The following ANO8 variants were observed in gnomAD, a reference collection of about 807,000 sequenced individuals.
ANO8 encodes the protein anoctamin-8.
In ANO8, 67 loss-of-function variants were observed where a neutral mutation model predicts 120.4. The ratio of observed to expected loss-of-function variants is 0.56; its 90% confidence interval spans 0.46 to 0.68. The LOEUF is 0.68. Ranked by LOEUF, ANO8 falls within the 30% of genes least tolerant of loss-of-function variation. The probability of loss-of-function intolerance (pLI) is 0.00; values close to 1 mark genes in which losing one functional copy is unlikely to be tolerated. For missense variants in ANO8, 1,526 were observed against 1,737.6 expected, an observed-to-expected ratio of 0.88 and a Z score of 2.16; for synonymous variants, 727 against 759.2, an observed-to-expected ratio of 0.96 and a Z score of 0.70.
chr19:17,332,391 A>T (rs1320660399), intron 5 of ANO8, among the ~76,000 whole-genome samples: 1 of 152,120 alleles, frequency 6.6e-6, no homozygotes, highest in East Asian at 1.9e-4. Flanking sequence ...ACTGGGAGCC[A>T]CTGCGCCTGT....
chr19:17,333,145 T>C lies in ANO8; in HGVS notation c.445A>G (p.Ile149Val). ...TRGFSCEEDF[I>V]YENVESELRF... ...AGCTCGCTCTCCACATTCTCATAGATAAAGTCCTCCTCGCAGGAGAAGCCG... is the reference window on the plus strand; with the variant it reads ...AGCTCGCTCTCCACATTCTCATAGACAAAGTCCTCCTCGCAGGAGAAGCCG... Residue 149 changes from isoleucine to valine, a missense_variant, in exon 4 of 18, where the codon ATC becomes GTC. This residue lies in a region of ANO8 where 322 missense variants were observed against 431.8 expected (regional missense o/e 0.75). Transcript: ENST00000159087. This position sits in a 1 kb window ranked among gnomAD's most constrained non-coding sequence, Gnocchi z 7.2. 6.2e-7 allele frequency: 1 copy of C among 1,613,806 alleles called. No individual in the cohort carries two copies. The highest frequency in any genetic ancestry group is 8.5e-7 in the Non-Finnish European group (1 of 1,179,914).
At chr19:17,329,126 ACGCGCCTCGACGCGAG>A in intron 12 of ANO8, 143 bp from the exon 13 acceptor site, 1 of 599,936 alleles carries the variant, frequency 1.7e-6, no homozygotes, top group South Asian at 2.4e-5. Context: ...GCTGCTTTGG[ACGCGCCTCGACGCGAG>A]GCCCCCAGCG....
intron 12 of ANO8, chr19:17,329,468 A>C: frequency 2.1e-6 from 1 of 485,076 alleles, no homozygotes; most frequent in Non-Finnish European, 3.7e-6. Context: ...GCGGAACCGC[A>C]GGGCCGCGAG....
At position 17,323,586 on chromosome 19, in the gene ANO8, C is replaced by T. The variant is rs2074252199; in HGVS notation, c.3630G>A (p.Glu1210=). 8.3e-7 allele frequency: 1 copy of T among 1,211,112 alleles called. No homozygotes were observed. The allele number at this position is 1,211,112 out of a possible 1,614,324, so 75.0% of individuals were successfully genotyped here. A position where few individuals can be genotyped will look rare whatever the true frequency, so the allele number is the denominator to read the frequency against. Residue 1210 remains glutamate, a synonymous_variant, in exon 18 of 18, where the codon GAG becomes GAA. Coordinates refer to ENST00000159087, the MANE Select transcript of ANO8 (RefSeq NM_020959.3). The part of the protein sequence containing the change: ...PPLPPTSDPL[E]TPAPSPSPSP... ...TGGGGCTAGGGGAGGGCGCTGGGGT[C>T]TCGAGGGGATCCGAGGTGGGCGGTA... is the stretch of plus-strand genomic sequence containing the variant.
Position 17,330,492 on chromosome 19 carries a change from T to C in ANO8, c.1006A>G (p.Ile336Val), listed in dbSNP as rs1240009664. The change falls in exon 9 of 18, where the codon ATC (isoleucine) becomes GTC (valine). Residue 336 changes from isoleucine to valine, a missense_variant. Ile to Val is a conservative substitution (Grantham distance 29). Transcript: ENST00000159087. ...PRPQFRGVRR[I>V]SPITRAEEFY... ...TCCTCGGCCCGCGTGATGGGGCTGA[T>C]ACGTCGCACGCCCTGATGGTGGGCA... 1 of 1,532,932 alleles carries C rather than the reference T, an allele frequency of 6.5e-7. No homozygotes were observed. The highest frequency in any genetic ancestry group is 8.8e-7 in the Non-Finnish European group (1 of 1,137,124). The allele number at this position is 1,532,932 out of a possible 1,614,324, so 95.0% of individuals were successfully genotyped here.
In ANO8 at chr19:17,325,233, G is replaced by A; in HGVS notation, c.2815C>T (p.Pro939Ser). ...GAGGCCTTCTCGGAGGAGGTGGCAG[G>A]GTCCAGCCCAGAGCCCTCGGCCCTC... ...EARAEGSGLD[P>S]ATSSEKASAK... Residue 939 changes from proline to serine, a missense_variant, in exon 17 of 18, where the codon CCT becomes TCT. Transcript: ENST00000159087. 1 of 1,611,136 alleles carries A rather than the reference G, an allele frequency of 6.2e-7. No individual in the cohort carries two copies. Among genetic ancestry groups the A allele is most frequent in the Non-Finnish European group, 8.5e-7 (1 of 1,179,812 alleles).
chr19:17,324,241 G>A (rs1406713631), intron 17 of ANO8, among the ~76,000 whole-genome samples: 1 of 152,004 alleles, frequency 6.6e-6, no homozygotes, highest in Non-Finnish European at 1.5e-5. Flanking sequence ...GGTGAGGCCT[G>A]CACCTCTGCT....
intron 16 of ANO8, among the ~76,000 whole-genome samples, chr19:17,326,073 T>C (rs1182069160): frequency 2.0e-5 from 3 of 152,176 alleles, no homozygotes; most frequent in Non-Finnish European, 2.9e-5. Flanking sequence ...TTTCTGGGAA[T>C]TGAAAAGAAA....
chr19:17,323,734 C>A lies in ANO8; in HGVS notation c.3482G>T (p.Gly1161Val), dbSNP rs911115787. ...WDGPWGCGGE[G>V]AAPRQALAAA... The stretch of plus-strand genomic sequence containing the variant: ...GGCCAGGGCCTGGCGGGGGGCGGCA[C>A]CCTCGCCCCCGCAGCCCCAGGGCCC... The change falls in exon 18 of 18, where the codon GGT becomes GTT. Residue 1161 changes from glycine to valine, a missense_variant. By Grantham distance (109) the Gly-to-Val change is moderately radical. Around this residue, in one of 8 missense-constraint regions of ANO8, gnomAD observed 489 missense variants for 548.6 expected, o/e 0.89. Transcript: ENST00000159087. The A allele has an allele frequency of 2.0e-4, 245 of 1,204,766 alleles. No homozygotes were observed. The highest frequency in any genetic ancestry group is 2.4e-4 in the Non-Finnish European group (236 of 969,682). 74.6% of individuals were successfully genotyped at this position (1,204,766 alleles called of 1,614,324 possible). A position where few individuals can be genotyped will look rare whatever the true frequency, so the allele number is the denominator to read the frequency against.
At chr19:17,324,096 T>C (rs541916755) in intron 17 of ANO8, among the ~76,000 whole-genome samples, 131 of 152,080 alleles carry the variant, frequency 8.6e-4, no homozygotes, top group African/African-American at 3.0e-3. Context: ...GGGAGGACAG[T>C]TTGAGGAAGT....
chr19:17,324,058 C>G (rs1226828300), intron 17 of ANO8, among the ~76,000 whole-genome samples, 174 bp from the exon 18 acceptor site: 4 of 20,540 alleles, frequency 1.9e-4, no homozygotes, highest in Non-Finnish European at 2.6e-4. Context: ...CATACCCTGC[C>G]TCTGGGCACG....
intron 12 of ANO8, 121 bp from the exon 13 acceptor site, chr19:17,329,104 G>C: frequency 1.3e-6 from 1 of 761,286 alleles, no homozygotes; most frequent in East Asian, 3.4e-5. Flanking sequence ...GCCGAATCCG[G>C]TTCCTAACTC....
intron 16 of ANO8, among the ~76,000 whole-genome samples, 179 bp downstream of exon 16, chr19:17,327,056 T>C (rs751202526): frequency 5.3e-5 from 8 of 152,132 alleles, no homozygotes; most frequent in Non-Finnish European, 1.0e-4. Flanking sequence ...CACTTTGGCC[T>C]CCCAAAGCGC....
intron 12 of ANO8, 180 bp downstream of exon 12, chr19:17,329,577 T>G (rs565909726): frequency 3.3e-6 from 2 of 610,506 alleles, no homozygotes; most frequent in Non-Finnish European, 2.9e-6. Flanking sequence ...GACGGACAGA[T>G]GGGGGGACGA....
At chr19:17,324,554 C>G (rs1409473642) in intron 17 of ANO8, among the ~76,000 whole-genome samples, 163 bp downstream of exon 17, 1 of 152,110 alleles carries the variant, frequency 6.6e-6, no homozygotes, top group Non-Finnish European at 1.5e-5. Context: ...AGATACTAAG[C>G]AGGCTTTAAC....
Position 17,330,236 on chromosome 19 carries a change from C to G in ANO8, c.1162G>C (p.Val388Leu), listed in dbSNP as rs760982994. The change falls in exon 10 of 18, where the codon GTG becomes CTG. Residue 388 changes from valine to leucine, a missense_variant. Val to Leu is a conservative substitution (Grantham distance 32). This residue lies in a region of ANO8 where 91 missense variants were observed against 85.3 expected (regional missense o/e 1.07). Transcript: ENST00000159087. ...CGGGCGAGACGGGGCAACCCCTTCACGCTCAGCACCAGCTCCTGCGGGAGA... is the reference window on the plus strand; with the variant it reads ...CGGGCGAGACGGGGCAACCCCTTCAGGCTCAGCACCAGCTCCTGCGGGAGA... Reference protein sequence around the residue: ...CFQLQELVLSVKGLPRLARFL... With the variant: ...CFQLQELVLSLKGLPRLARFL... 2 of 1,614,036 alleles carry G rather than the reference C, an allele frequency of 1.2e-6. No individual in the cohort carries two copies. Among genetic ancestry groups the G allele is most frequent in the Non-Finnish European group, 1.7e-6 (2 of 1,180,024 alleles).
At chr19:17,332,327 T>C (rs1182723649) in intron 5 of ANO8, among the ~76,000 whole-genome samples, 5 of 152,110 alleles carry the variant, frequency 3.3e-5, no homozygotes, top group Admixed American at 3.3e-4. Context: ...CATGGCTCAC[T>C]GCAACCTCGA....
rs1369864603 is a variant in ANO8, at chr19:17,325,167, C to G, written c.2881G>C (p.Glu961Gln). Reference protein sequence around the residue: ...KGSTAGGHGPERPKRPGSLLA... With the variant: ...KGSTAGGHGPQRPKRPGSLLA... ...AGGGACCCTGGGCGCTTGGGCCGTT[C>G]AGGCCCGTGGCCACCCGCAGTGCTG... The change falls in exon 17 of 18, where the codon GAA (glutamate) becomes CAA (glutamine). Residue 961 changes from glutamate (E) to glutamine (Q), a missense_variant. Physicochemically the swap from Glu to Gln is conservative, Grantham distance 29. Coordinates refer to ENST00000159087, the MANE Select transcript of ANO8 (RefSeq NM_020959.3). 2 of 1,613,230 alleles carry G rather than the reference C, an allele frequency of 1.2e-6. No individual in the cohort carries two copies. The highest frequency in any genetic ancestry group is 1.7e-6 in the Non-Finnish European group (2 of 1,179,874).
At chr19:17,329,861 C>T in intron 11 of ANO8, 30 bp from the exon 12 acceptor site, 1 of 1,613,498 alleles carries the variant, frequency 6.2e-7, no homozygotes, top group Non-Finnish European at 8.5e-7. Flanking sequence ...GGTGGTCATC[C>T]TGCACCCCCA....
Sources: gnomAD v4.1 joint callset for allele counts (sites outside exome capture counted in the v4.1 genomes callset) on GRCh38, gnomAD v4.1.1 for gene constraint, gnomAD v4.1.1 regional missense constraint, Gnocchi (gnomAD v3.1) non-coding constraint, MANE v1.5 for transcripts, NCBI Gene and HGNC (gene_info 2026-07-23, HGNC 2026-07-21) for gene names.